Variants in TEX264 observed in about 807,000 individuals in gnomAD.
TEX264 encodes testis-expressed protein 264.
Under a neutral mutation model 23.4 loss-of-function variants are expected in TEX264, and 13 were observed. The observed-to-expected ratio is 0.56, with a 90% CI of 0.36 to 0.88. TEX264 has a LOEUF of 0.88. Among genes scored for constraint, TEX264 ranks in the 40% least tolerant of loss-of-function variants. The pLI is 0.01. For synonymous variants in TEX264, 159 were observed against 170.0 expected, an observed-to-expected ratio of 0.94 and a Z score of 0.50; for missense variants, 340 against 406.8, an observed-to-expected ratio of 0.84 and a Z score of 1.41.
intron 3 of TEX264, among the ~76,000 whole-genome samples, chr3:51,688,689 G>T (rs1342989413): frequency 6.6e-6 from 1 of 152,166 alleles, no homozygotes; most frequent in Admixed American, 6.5e-5. Flanking sequence ...CTGGAGGTCA[G>T]ACTAATGTCT....
In TEX264 at chr3:51,686,660, G is replaced by A. The variant is rs183611271; in HGVS notation, c.480+2026G>A. 1.3e-5 allele frequency among the ~76,000 whole-genome samples: 2 copies of A among 152,012 alleles called. No homozygotes were observed. Among genetic ancestry groups the A allele is most frequent in the African/African-American group, 2.4e-5 (1 of 41,382 alleles). ...GGGCAGGATGTGCTTGCCTGGCTGC[G>A]GTTGGACTGGAGGTGGGGGCGGGCT... On this transcript the variant is annotated intron_variant, in intron 3 of 4. Coordinates refer to ENST00000341333, the MANE Select transcript of TEX264 (RefSeq NM_015926.6). This position sits in a 1 kb window ranked among gnomAD's most constrained non-coding sequence, Gnocchi z 4.1.
intron 2 of TEX264, 77 bp downstream of exon 2, chr3:51,674,639 T>A (rs1176970714): frequency 1.3e-6 from 2 of 1,552,176 alleles, no homozygotes; most frequent in East Asian, 4.5e-5. Flanking sequence ...GTAGTTTTGG[T>A]TGCTGAGGAA....
chr3:51,678,382 T>G (rs1166370969), intron 2 of TEX264, among the ~76,000 whole-genome samples: 1 of 152,180 alleles, frequency 6.6e-6, no homozygotes. Context: ...CCAGGCTGGC[T>G]CTCTACCTCC....
intron 4 of TEX264, among the ~76,000 whole-genome samples, chr3:51,699,851 G>A (rs1703221639): frequency 6.6e-6 from 1 of 152,152 alleles, no homozygotes; most frequent in Admixed American, 6.5e-5. Flanking sequence ...GATGCAGCAG[G>A]AGTACCCTTG....
chr3:51,677,239 C>T (rs1702261318), intron 2 of TEX264, among the ~76,000 whole-genome samples: 1 of 152,158 alleles, frequency 6.6e-6, no homozygotes, highest in African/African-American at 2.4e-5. Flanking sequence ...TGCTCTGTAC[C>T]AGGCTCTGTG....
At position 51,699,537 on chromosome 3, in the gene TEX264, G is replaced by A. The variant is rs1396190444; in HGVS notation, c.612G>A (p.Gly204=). ...AGGAGACAGAGTGGAAATGGCGGGG[G>A]CTTGTGGAGGCCATTGACACCCAGG... ...EMKETEWKWR[G]LVEAIDTQVD... The change falls in exon 4 of 5, where the codon GGG becomes GGA. Residue 204 remains glycine, a synonymous_variant. Transcript: ENST00000341333. The A allele has an allele frequency of 6.2e-7, 1 of 1,614,066 alleles. No homozygotes were observed. Among genetic ancestry groups the A allele is most frequent in the East Asian group, 2.2e-5 (1 of 44,880 alleles).
At chr3:51,694,014 CCTT>C (rs1702933813) in intron 3 of TEX264, among the ~76,000 whole-genome samples, 1 of 130,692 alleles carries the variant, frequency 7.7e-6, no homozygotes, top group African/African-American at 3.4e-5. Context: ...TTCCTTCCTT[CCTT>C]CCTTCCTTCC....
In TEX264 at chr3:51,703,726, G is replaced by A. The variant is rs773119646; in HGVS notation, c.652G>A (p.Ala218Thr). ...AIDTQVDGTG[A>T]DTMSDTSSVS... ...GTGCTCCCTTTTCCTGGTCATAGGA[G>A]CTGACACAATGAGTGACACGAGTTC... is the stretch of plus-strand genomic sequence containing the variant. The change falls in exon 5 of 5, where the codon GCT becomes ACT. Residue 218 changes from alanine (A) to threonine (T), a missense_variant and splice_region_variant. Ala to Thr is a moderately conservative substitution (Grantham distance 58). Coordinates refer to ENST00000341333, the MANE Select transcript of TEX264 (RefSeq NM_015926.6). This position sits in a 1 kb window ranked among gnomAD's most constrained non-coding sequence, Gnocchi z 4.8. 6.3e-7 allele frequency: 1 copy of A among 1,583,560 alleles called. No individual in the cohort carries two copies. Among genetic ancestry groups the A allele is most frequent in the South Asian group, 1.1e-5 (1 of 88,328 alleles).
chr3:51,677,046 CA>C (rs1287393032), intron 2 of TEX264, among the ~76,000 whole-genome samples: 3 of 152,218 alleles, frequency 2.0e-5, no homozygotes, highest in African/African-American at 7.2e-5. Context: ...GAGATTGTAA[CA>C]GGTTCAGGGA....
chr3:51,692,705 G>A (rs1702871931), intron 3 of TEX264, among the ~76,000 whole-genome samples: 1 of 152,260 alleles, frequency 6.6e-6, no homozygotes, highest in South Asian at 2.1e-4. Flanking sequence ...CAGACAAGCT[G>A]CTAAGAATGC....
chr3:51,702,729 G>A (rs939514723), intron 4 of TEX264, among the ~76,000 whole-genome samples: 10 of 152,192 alleles, frequency 6.6e-5, no homozygotes, highest in Admixed American at 5.9e-4. Flanking sequence ...TGCACACAGC[G>A]AGCCTGAGCC....
chr3:51,697,619 C>T (rs545911044), intron 3 of TEX264, among the ~76,000 whole-genome samples: 84 of 152,348 alleles, frequency 5.5e-4, no homozygotes, highest in Non-Finnish European at 9.8e-4. Context: ...CAGGGGCCTC[C>T]CTGCCCCTGG....
At position 51,703,046 on chromosome 3, in the gene TEX264, AC is replaced by A. The variant is rs1183591237; in HGVS notation, c.650-675del. Among the ~76,000 whole-genome samples the A allele has an allele frequency of 6.6e-6, 1 of 151,542 alleles. No homozygotes were observed. Among genetic ancestry groups the A allele is most frequent in the Non-Finnish European group, 1.5e-5 (1 of 67,842 alleles). Reference sequence around the variant, plus strand: ...GTCGACCCAGGCATAGGGAGAGAAAACCCTTAACATGTTTCATCCCAGCACC... The same window carrying A: ...GTCGACCCAGGCATAGGGAGAGAAAACCTTAACATGTTTCATCCCAGCACC... On this transcript the variant is annotated intron_variant, in intron 4 of 4. Transcript: ENST00000341333. The surrounding 1 kb of genome is among the most constrained non-coding windows in gnomAD (Gnocchi z 4.8).
chr3:51,693,733 G>T (rs1256755719), intron 3 of TEX264, among the ~76,000 whole-genome samples: 1 of 152,010 alleles, frequency 6.6e-6, no homozygotes, highest in Non-Finnish European at 1.5e-5. Context: ...GCCCACCTTG[G>T]CCTCCCAAAG....
At chr3:51,680,771 G>T (rs536135425) in intron 2 of TEX264, among the ~76,000 whole-genome samples, 2 of 152,328 alleles carry the variant, frequency 1.3e-5, no homozygotes, top group East Asian at 3.9e-4. Context: ...TATGTCCTAG[G>T]GTTCGGCCCA....
chr3:51,702,313 A>G (rs939460908), intron 4 of TEX264, among the ~76,000 whole-genome samples: 1 of 152,068 alleles, frequency 6.6e-6, no homozygotes, highest in Non-Finnish European at 1.5e-5. Context: ...CTCCCTGACC[A>G]CCTCATTCAC....
chr3:51,686,889 TG>T lies in TEX264; in HGVS notation c.480+2256del, dbSNP rs1702642085. On this transcript the variant is annotated intron_variant, in intron 3 of 4. Coordinates refer to ENST00000341333, the MANE Select transcript of TEX264 (RefSeq NM_015926.6). The surrounding 1 kb of genome is among the most constrained non-coding windows in gnomAD (Gnocchi z 4.1). ...AGACCTCAGAACAGGACATGTGGCATGTGGTGTGGTGGTGAGCAACTCAGCC... is the reference window on the plus strand; with the variant it reads ...AGACCTCAGAACAGGACATGTGGCATTGGTGTGGTGGTGAGCAACTCAGCC... Among the ~76,000 whole-genome samples the T allele has an allele frequency of 6.6e-6, 1 of 152,276 alleles. No homozygotes were observed. The highest frequency in any genetic ancestry group is 1.9e-4 in the East Asian group (1 of 5,180).
At chr3:51,701,633 T>TG (rs1024625073) in intron 4 of TEX264, among the ~76,000 whole-genome samples, 4 of 151,838 alleles carry the variant, frequency 2.6e-5, no homozygotes, top group African/African-American at 9.7e-5. Context: ...GATTCCTTTT[T>TG]TTTGTTTGTT....
In TEX264 at chr3:51,703,684, G is replaced by A; in HGVS notation, c.650-40G>A. The A allele has an allele frequency of 1.3e-6, 2 of 1,538,740 alleles. No individual in the cohort carries two copies. The highest frequency in any genetic ancestry group is 1.8e-6 in the Non-Finnish European group (2 of 1,136,172). Reference sequence around the variant, plus strand: ...GCCTCTCCCTGGAGGAGGGGGTGGGGTGGTCCTAGCTAACCTGTGCTCCCT... The same window carrying A: ...GCCTCTCCCTGGAGGAGGGGGTGGGATGGTCCTAGCTAACCTGTGCTCCCT... On this transcript the variant is annotated intron_variant, in intron 4 of 4. Transcript: ENST00000341333. The surrounding 1 kb of genome is among the most constrained non-coding windows in gnomAD (Gnocchi z 4.8).
Sources: allele counts gnomAD v4.1 joint callset (sites outside exome capture counted in the v4.1 genomes callset), GRCh38; gene constraint gnomAD v4.1.1; non-coding constraint Gnocchi (gnomAD v3.1); transcripts MANE v1.5; gene names NCBI Gene and HGNC (gene_info 2026-07-23, HGNC 2026-07-21).